The following EBF2 variants were observed in gnomAD, a reference collection of about 807,000 sequenced individuals.
EBF2 encodes the protein transcription factor COE2.
Under a neutral mutation model 72.8 loss-of-function variants are expected in EBF2, and 21 were observed. The ratio of observed to expected loss-of-function variants is 0.29; its 90% CI spans 0.20 to 0.42. The LOEUF (loss-of-function observed/expected upper bound fraction) is 0.42, where lower values mean the gene tolerates loss of function less well. Among genes scored for constraint, EBF2 ranks in the 10% least tolerant of loss-of-function variants. The pLI is 1.00. For missense variants in EBF2, 637 were observed against 731.2 expected (o/e 0.87, Z 1.49); for synonymous variants, 299 against 274.2 (o/e 1.09, Z -0.89).
chr8:25,958,063 A>G (rs569424631), intron 6 of EBF2, among the ~76,000 whole-genome samples: 1 of 152,178 alleles, frequency 6.6e-6, no homozygotes, highest in Admixed American at 6.5e-5. Flanking sequence ...ATGTCTTCTC[A>G]TGAGCCTCCC....
At position 26,042,229 on chromosome 8, in the gene EBF2, G is replaced by T. The variant is rs1416976649; in HGVS notation, c.154C>A (p.His52Asn). 2 of 1,613,994 alleles carry T rather than the reference G, an allele frequency of 1.2e-6. No homozygotes were observed. The highest frequency in any genetic ancestry group is 2.2e-5 in the East Asian group (1 of 44,866). ...TTGGAAGGAGGCTGTTTCTCAAAGTGGGCCCGGGACAGGGCGACCCCGCTG... is the reference window on the plus strand; with the variant it reads ...TTGGAAGGAGGCTGTTTCTCAAAGTTGGCCCGGGACAGGGCGACCCCGCTG... Reference protein sequence around the residue: ...AQSGVALSRAHFEKQPPSNLR... With the variant: ...AQSGVALSRANFEKQPPSNLR... Residue 52 changes from histidine (H) to asparagine (N), a missense_variant, in exon 2 of 16, where the codon CAC (histidine) becomes AAC (asparagine). His to Asn is a moderately conservative substitution (Grantham distance 68). Transcript: ENST00000520164.
chr8:25,886,345 G>A (rs1373213497), intron 10 of EBF2, among the ~76,000 whole-genome samples: 4 of 152,186 alleles, frequency 2.6e-5, no homozygotes, highest in African/African-American at 7.2e-5. Flanking sequence ...AATATATGAT[G>A]TTTACCTTCT....
At chr8:25,965,363 C>T (rs1430113219) in intron 6 of EBF2, among the ~76,000 whole-genome samples, 4 of 152,308 alleles carry the variant, frequency 2.6e-5, no homozygotes, top group African/African-American at 9.6e-5. Context: ...GGTTAGACTG[C>T]TTTGCTTATA....
At chr8:26,041,400 G>T (rs1805598181) in intron 2 of EBF2, 1 of 240,364 alleles carries the variant, frequency 4.2e-6, no homozygotes, top group Non-Finnish European at 8.2e-6. Context: ...TGGAAAGGCA[G>T]CATTCGGGCC....
chr8:25,983,770 G>A (rs1375992970), intron 6 of EBF2, among the ~76,000 whole-genome samples: 1 of 152,248 alleles, frequency 6.6e-6, no homozygotes, highest in Non-Finnish European at 1.5e-5. Flanking sequence ...GCCCACCGGT[G>A]CATATGGATC....
intron 6 of EBF2, among the ~76,000 whole-genome samples, chr8:25,933,593 AAG>A (rs1477737282): frequency 6.6e-6 from 1 of 152,216 alleles, no homozygotes; most frequent in African/African-American, 2.4e-5. Flanking sequence ...TGTCCAAAAA[AAG>A]AGTCATGGAT....
intron 14 of EBF2, among the ~76,000 whole-genome samples, chr8:25,851,770 A>G (rs1037948571): frequency 1.3e-5 from 2 of 152,188 alleles, no homozygotes; most frequent in Admixed American, 6.5e-5. Flanking sequence ...TGTATTTTCA[A>G]TGGACCACCT....
chr8:25,860,010 C>G (rs944164522), intron 13 of EBF2, among the ~76,000 whole-genome samples: 1 of 152,054 alleles, frequency 6.6e-6, no homozygotes, highest in Admixed American at 6.5e-5. Context: ...AGCCACCACA[C>G]CCGGCTCACC....
At chr8:25,864,217 T>C (rs1481413888) in intron 10 of EBF2, among the ~76,000 whole-genome samples, 1 of 152,216 alleles carries the variant, frequency 6.6e-6, no homozygotes, top group African/African-American at 2.4e-5. Flanking sequence ...GGAGAATGTA[T>C]GAGTTTATTC....
intron 10 of EBF2, among the ~76,000 whole-genome samples, chr8:25,880,265 A>G (rs1243303392): frequency 6.6e-6 from 1 of 152,160 alleles, no homozygotes; most frequent in Non-Finnish European, 1.5e-5. Context: ...TTTTCCTTTT[A>G]CGTAATCACA....
In EBF2 at chr8:26,006,134, G is replaced by C. The variant is rs191834731; in HGVS notation, c.551+26951C>G. The stretch of plus-strand genomic sequence containing the variant: ...GGCAGGTCCTCAGAAAGCTGATCCA[G>C]GTGATCTTCCTTTGAAACACTGCCT... On this transcript the variant is annotated intron_variant, in intron 6 of 15. Transcript: ENST00000520164. Among the ~76,000 whole-genome samples, 24 of 152,234 alleles carry C rather than the reference G, an allele frequency of 1.6e-4. No individual in the cohort carries two copies. The East Asian group carries it at 4.1e-3, about 26-fold the overall frequency.
At chr8:25,992,741 A>G (rs1050691697) in intron 6 of EBF2, among the ~76,000 whole-genome samples, 3 of 151,948 alleles carry the variant, frequency 2.0e-5, no homozygotes, top group Non-Finnish European at 4.4e-5. Context: ...CATCGCTACA[A>G]AAAAATACAA....
At chr8:26,017,583 C>T (rs1300275206) in intron 6 of EBF2, among the ~76,000 whole-genome samples, 1 of 152,092 alleles carries the variant, frequency 6.6e-6, no homozygotes, top group Non-Finnish European at 1.5e-5. Context: ...GCAGCCAGCC[C>T]TCATCCTTTT....
At chr8:25,900,032 C>T (rs575732653) in intron 7 of EBF2, among the ~76,000 whole-genome samples, 3 of 152,198 alleles carry the variant, frequency 2.0e-5, no homozygotes, top group Admixed American at 2.0e-4. Flanking sequence ...CCCCTTCCCT[C>T]GAACCCTTCA....
At chr8:25,931,744 T>G (rs1803484088) in intron 6 of EBF2, among the ~76,000 whole-genome samples, 2 of 152,304 alleles carry the variant, frequency 1.3e-5, no homozygotes, top group South Asian at 4.1e-4. Flanking sequence ...TTGGGGGAAA[T>G]GTAGATCTTC....
At chr8:25,908,652 T>A (rs1038670138) in intron 6 of EBF2, 97 bp from the exon 7 acceptor site, 4 of 842,552 alleles carry the variant, frequency 4.7e-6, no homozygotes, top group Non-Finnish European at 7.6e-6. Context: ...AGCGATTCTA[T>A]TTCAGATCTG....
intron 6 of EBF2, among the ~76,000 whole-genome samples, chr8:25,929,704 G>A (rs544712083): frequency 1.7e-4 from 26 of 152,140 alleles, no homozygotes; most frequent in African/African-American, 4.6e-4. Context: ...TCCTTGGGAC[G>A]TCTAAACACA....
chr8:25,962,174 G>C (rs979136409), intron 6 of EBF2, among the ~76,000 whole-genome samples: 1 of 152,096 alleles, frequency 6.6e-6, no homozygotes, highest in Non-Finnish European at 1.5e-5. Context: ...TGTGCATGAA[G>C]AGTAAAACAA....
At chr8:25,957,743 G>A (rs74696008) in intron 6 of EBF2, among the ~76,000 whole-genome samples, 1 of 152,190 alleles carries the variant, frequency 6.6e-6, no homozygotes, top group Non-Finnish European at 1.5e-5. Flanking sequence ...GCACGCACCT[G>A]TAGTCCCAGC....
Sources: gnomAD v4.1 joint callset for allele counts (sites outside exome capture counted in the v4.1 genomes callset) on GRCh38, gnomAD v4.1.1 for gene constraint, MANE v1.5 for transcripts, NCBI Gene and HGNC (gene_info 2026-07-23, HGNC 2026-07-21) for gene names.